Variants in UCHL3 observed in about 807,000 individuals in gnomAD.
UCHL3 encodes ubiquitin C-terminal hydrolase L3.
A neutral mutation model predicts 35.8 loss-of-function variants in UCHL3; 22 were observed. The observed-to-expected ratio is 0.61, with a 90% CI of 0.44 to 0.88. The LOEUF is 0.88. Ranked by LOEUF, UCHL3 falls within the 40% of genes least tolerant of loss-of-function variation. The pLI, the probability that UCHL3 is intolerant of heterozygous loss-of-function variation, is 0.00. For missense variants in UCHL3, 229 were observed against 276.9 expected (o/e 0.83, Z 1.23); for synonymous variants, 90 against 92.8 (o/e 0.97, Z 0.17).
intron 2 of UCHL3, among the ~76,000 whole-genome samples, chr13:75,560,218 G>A (rs191000048): frequency 5.9e-5 from 9 of 152,164 alleles, no homozygotes; most frequent in African/African-American, 2.2e-4. Context: ...TTGGTAAATA[G>A]GATAAACTAT....
intron 6 of UCHL3, among the ~76,000 whole-genome samples, chr13:75,569,974 A>G (rs1053755323): frequency 6.6e-6 from 1 of 152,170 alleles, no homozygotes; most frequent in Non-Finnish European, 1.5e-5. Context: ...CCTGTTAGCT[A>G]GTTCAGCTGG....
intron 3 of UCHL3, among the ~76,000 whole-genome samples, chr13:75,564,025 G>A (rs2031601886): frequency 6.6e-6 from 1 of 151,984 alleles, no homozygotes; most frequent in Non-Finnish European, 1.5e-5. Flanking sequence ...ATAGGATTGG[G>A]TACATTCAGG....
chr13:75,558,757 C>G (rs545357929), intron 2 of UCHL3, among the ~76,000 whole-genome samples: 46 of 152,128 alleles, frequency 3.0e-4, no homozygotes, highest in African/African-American at 1.1e-3. Flanking sequence ...AGAAATATAC[C>G]TTGGGTGTCT....
At chr13:75,571,054 G>C (rs2031840223) in intron 6 of UCHL3, among the ~76,000 whole-genome samples, 1 of 152,122 alleles carries the variant, frequency 6.6e-6, no homozygotes, top group Non-Finnish European at 1.5e-5. Flanking sequence ...TTAATGAAAT[G>C]CTGTTTTGTA....
At chr13:75,553,475 T>C (rs1438617269) in intron 2 of UCHL3, among the ~76,000 whole-genome samples, 14 of 152,200 alleles carry the variant, frequency 9.2e-5, no homozygotes, top group Admixed American at 9.2e-4. Flanking sequence ...ATTGAAACAT[T>C]ATCTTTTCTT....
chr13:75,588,025 AT>A (rs564113097), intron 6 of UCHL3, among the ~76,000 whole-genome samples: 2,335 of 148,942 alleles, frequency 0.016, 69 homozygotes, highest in African/African-American at 0.049. Flanking sequence ...ATAAGTAATA[AT>A]TTTTTTTTTT....
At chr13:75,568,475 G>A (rs1190078194) in intron 5 of UCHL3, among the ~76,000 whole-genome samples, 2 of 150,908 alleles carry the variant, frequency 1.3e-5, no homozygotes, top group African/African-American at 4.9e-5. Context: ...TTTAGGGAGT[G>A]TATATATATA....
chr13:75,553,342 G>A (rs149500047), intron 2 of UCHL3, among the ~76,000 whole-genome samples: 4 of 152,108 alleles, frequency 2.6e-5, no homozygotes, highest in South Asian at 2.1e-4. Flanking sequence ...GTACCATTTC[G>A]TAGTAACTTT....
Position 75,605,900 on chromosome 13 carries a change from A to T in UCHL3, c.*88A>T. The T allele has an allele frequency of 7.8e-7, 1 of 1,285,294 alleles. No homozygotes were observed. The highest frequency in any genetic ancestry group is 1.1e-6 in the Non-Finnish European group (1 of 899,010). The allele number at this position is 1,285,294 out of a possible 1,614,324, so 79.6% of individuals were successfully genotyped here. On this transcript the variant is annotated 3_prime_UTR_variant, in exon 9 of 9. Coordinates refer to ENST00000377595, the MANE Select transcript of UCHL3 (RefSeq NM_006002.5). ...CTAACTCAAAAATTTTGATATTTTC[A>T]TTAACTTGATGATTAAACTTTATGT...
chr13:75,557,323 A>G (rs1042463510), intron 2 of UCHL3, among the ~76,000 whole-genome samples: 1 of 152,186 alleles, frequency 6.6e-6, no homozygotes, highest in Non-Finnish European at 1.5e-5. Flanking sequence ...CATATTTACA[A>G]ATAATTTTAA....
chr13:75,563,159 G>A (rs28659861), intron 3 of UCHL3, among the ~76,000 whole-genome samples: 1 of 141,508 alleles, frequency 7.1e-6, no homozygotes, highest in Non-Finnish European at 1.6e-5. Flanking sequence ...ATGTATGTAT[G>A]TATGTATATA....
intron 6 of UCHL3, among the ~76,000 whole-genome samples, chr13:75,586,991 AG>A (rs2032341214): frequency 6.8e-6 from 1 of 147,814 alleles, no homozygotes; most frequent in South Asian, 2.2e-4. Context: ...TTCAAGTCAG[AG>A]ATCTAAGTTT....
chr13:75,592,462 A>ATATG (rs2032535132), intron 6 of UCHL3, among the ~76,000 whole-genome samples: 2 of 109,798 alleles, frequency 1.8e-5, no homozygotes, highest in Non-Finnish European at 3.7e-5. Flanking sequence ...ATATATATAT[A>ATATG]TATATGAAGG....
chr13:75,605,663 A>AT (rs1477298015), intron 8 of UCHL3, 66 bp from the exon 9 acceptor site: 1 of 1,451,122 alleles, frequency 6.9e-7, no homozygotes, highest in Admixed American at 1.9e-5. Context: ...AAAATATGAA[A>AT]TGTTTATCAT....
chr13:75,604,780 C>G lies in UCHL3; in HGVS notation c.562C>G (p.Pro188Ala), dbSNP rs1183716816. Residue 188 changes from proline (P) to alanine (A), a missense_variant, in exon 8 of 9, where the codon CCA becomes GCA. Coordinates refer to ENST00000377595, the MANE Select transcript of UCHL3 (RefSeq NM_006002.5). The stretch of plus-strand genomic sequence containing the variant: ...TCTGTTTTCCACAGATGGGCGGAAG[C>G]CATTTCCAATTAACCATGGTGAAAC... ...GHLYELDGRK[P>A]FPINHGETSD... 50 of 1,597,046 alleles carry G rather than the reference C, an allele frequency of 3.1e-5. No individual in the cohort carries two copies. The highest frequency in any genetic ancestry group is 4.1e-5 in the Non-Finnish European group (48 of 1,171,930).
chr13:75,587,108 A>T (rs1240967125), intron 6 of UCHL3, among the ~76,000 whole-genome samples: 1 of 151,868 alleles, frequency 6.6e-6, no homozygotes, highest in Non-Finnish European at 1.5e-5. Flanking sequence ...GAAATTCATT[A>T]CTGTAGTAGA....
At chr13:75,590,083 G>A (rs764553436) in intron 6 of UCHL3, 6 of 1,304,196 alleles carry the variant, frequency 4.6e-6, no homozygotes, top group African/African-American at 3.0e-5. Flanking sequence ...CGTCTTCGTC[G>A]CTGGCGACCC....
At chr13:75,574,373 A>T (rs2031958749) in intron 6 of UCHL3, among the ~76,000 whole-genome samples, 1 of 151,950 alleles carries the variant, frequency 6.6e-6, no homozygotes, top group Admixed American at 6.6e-5. Flanking sequence ...ATATTTGTTT[A>T]TTCTGCTAAC....
rs2032827307 is a variant in UCHL3, at chr13:75,603,235, T to G, written c.551-1534T>G. Among the ~76,000 whole-genome samples, 2 of 152,168 alleles carry G rather than the reference T, an allele frequency of 1.3e-5. 1 individual carries two copies. The highest frequency in any genetic ancestry group is 4.1e-4 in the South Asian group (2 of 4,836). ...GAACTCCTGGCCTCAAGCAATCTTC[T>G]TAAATTACAGGTGTGAGCCACCACA... On this transcript the variant is annotated intron_variant, in intron 7 of 8. Coordinates refer to ENST00000377595, the MANE Select transcript of UCHL3 (RefSeq NM_006002.5).
Sources: allele counts gnomAD v4.1 joint callset (sites outside exome capture counted in the v4.1 genomes callset), GRCh38; gene constraint gnomAD v4.1.1; transcripts MANE v1.5; gene names NCBI Gene and HGNC (gene_info 2026-07-23, HGNC 2026-07-21).